TBC1D2B: variants seen among roughly 807,000 people sequenced by gnomAD.
TBC1D2B encodes TBC1 domain family, member 2B.
In TBC1D2B, 64 loss-of-function variants were observed where a neutral mutation model predicts 100.8. That is an observed-to-expected ratio of 0.64 (90% CI 0.52 to 0.78). TBC1D2B has a LOEUF of 0.78. TBC1D2B is among the 30% of genes least tolerant of loss of function. TBC1D2B has a pLI of 0.00. For missense variants in TBC1D2B, 1,052 were observed against 1,218.4 expected (o/e 0.86, Z 2.03); for synonymous variants, 480 against 479.7 (o/e 1.00, Z -0.01).
intron 3 of TBC1D2B, 124 bp downstream of exon 3, chr15:78,044,776 T>C: frequency 1.2e-6 from 1 of 848,584 alleles, no homozygotes; most frequent in East Asian, 2.7e-5. Context: ...TGGGAAAGTA[T>C]GATGTAAACA....
chr15:78,065,477 A>G (rs1035551778), intron 1 of TBC1D2B, among the ~76,000 whole-genome samples: 1 of 152,206 alleles, frequency 6.6e-6, no homozygotes, highest in Non-Finnish European at 1.5e-5. Context: ...GCTCGTCCCT[A>G]CAGGAAATGT....
intron 1 of TBC1D2B, among the ~76,000 whole-genome samples, chr15:78,055,149 T>C (rs1179150561): frequency 2.0e-5 from 3 of 151,946 alleles, no homozygotes; most frequent in South Asian, 4.2e-4. Context: ...AACAAATATG[T>C]GGTTGCCAGG....
chr15:78,066,673 C>T (rs2073662793), intron 1 of TBC1D2B, among the ~76,000 whole-genome samples: 1 of 152,228 alleles, frequency 6.6e-6, no homozygotes, highest in African/African-American at 2.4e-5. Flanking sequence ...CATGTTACCT[C>T]TACAACAGTA....
At chr15:78,068,383 C>CCACACACACACA (rs35403620) in intron 1 of TBC1D2B, among the ~76,000 whole-genome samples, 4,404 of 143,028 alleles carry the variant, frequency 0.031, 101 homozygotes, top group African/African-American at 0.056. Flanking sequence ...CACACCACAC[C>CCACACACACACA]CACACACACA....
At chr15:78,001,927 G>A in intron 11 of TBC1D2B, 187 bp from the exon 12 acceptor site, 1 of 532,354 alleles carries the variant, frequency 1.9e-6, no homozygotes, top group South Asian at 3.0e-5. Context: ...CTTTATTACA[G>A]GAAAATAAAC....
intron 12 of TBC1D2B, among the ~76,000 whole-genome samples, chr15:78,000,201 C>G (rs1256499531): frequency 6.6e-6 from 1 of 152,222 alleles, no homozygotes; most frequent in East Asian, 1.9e-4. Flanking sequence ...CAGGGGAGAC[C>G]GTACCGCGAG....
At chr15:78,059,619 A>G (rs2073501686) in intron 1 of TBC1D2B, among the ~76,000 whole-genome samples, 1 of 152,060 alleles carries the variant, frequency 6.6e-6, no homozygotes, top group South Asian at 2.1e-4. Flanking sequence ...GCAGTCCTTG[A>G]CAGCTGGCTG....
chr15:78,000,887 T>C (rs118159626), intron 12 of TBC1D2B, among the ~76,000 whole-genome samples: 2,197 of 152,232 alleles, frequency 0.014, 30 homozygotes, highest in Non-Finnish European at 0.021. Flanking sequence ...TGGGACCACC[T>C]ACCTCCAGGC....
intron 1 of TBC1D2B, among the ~76,000 whole-genome samples, chr15:78,059,009 C>A (rs933419481): frequency 6.6e-6 from 1 of 152,212 alleles, no homozygotes; most frequent in African/African-American, 2.4e-5. Context: ...AGCAGGTTTC[C>A]CTGACCTGGG....
At chr15:77,998,606 A>C in intron 12 of TBC1D2B, 2 of 447,252 alleles carry the variant, frequency 4.5e-6, no homozygotes, top group Non-Finnish European at 8.0e-6. Context: ...GACTGAAGTC[A>C]CCCCCCTTTT....
rs369371276 is a variant in TBC1D2B, at chr15:77,999,571, A to G, written c.2697-1216T>C. Among the ~76,000 whole-genome samples, 69 of 152,270 alleles carry G rather than the reference A, an allele frequency of 4.5e-4. No individual in the cohort carries two copies. In the East Asian group the frequency reaches 0.011, roughly 24 times the overall value. On this transcript the variant is annotated intron_variant, in intron 12 of 12. Transcript: ENST00000300584. ...CGCCTCCTGCCTGGCTCTGCAGACCAGGCTGCCAGCCCCAGCAGGCGGGAG... is the reference window on the plus strand; with the variant it reads ...CGCCTCCTGCCTGGCTCTGCAGACCGGGCTGCCAGCCCCAGCAGGCGGGAG...
chr15:78,042,739 A>G (rs2141764472), intron 3 of TBC1D2B, among the ~76,000 whole-genome samples: 1 of 152,322 alleles, frequency 6.6e-6, no homozygotes, highest in South Asian at 2.1e-4. Flanking sequence ...GAATGGCCGG[A>G]ACACAGAGGC....
chr15:78,060,051 A>T (rs894296), intron 1 of TBC1D2B, among the ~76,000 whole-genome samples: 4 of 152,108 alleles, frequency 2.6e-5, no homozygotes, highest in Non-Finnish European at 4.4e-5. Context: ...ACTAATGTTC[A>T]CATTCTTTGA....
At chr15:78,020,451 C>G (rs997886247) in intron 6 of TBC1D2B, among the ~76,000 whole-genome samples, 11 of 152,218 alleles carry the variant, frequency 7.2e-5, no homozygotes, top group Non-Finnish European at 1.5e-4. Flanking sequence ...CAACACCTAA[C>G]AGTGAAGACC....
Position 78,051,429 on chromosome 15 carries a change from T to C in TBC1D2B, c.514+2605A>G, listed in dbSNP as rs1004557260. Among the ~76,000 whole-genome samples, 4 of 152,170 alleles carry C rather than the reference T, an allele frequency of 2.6e-5. No individual in the cohort carries two copies. In the East Asian group the frequency reaches 7.7e-4, roughly 29 times the overall value. ...TGTACTACAGGATACGTGACTTACTTAGAGTCTGACAACTAGTAAATATCC... is the reference window on the plus strand; with the variant it reads ...TGTACTACAGGATACGTGACTTACTCAGAGTCTGACAACTAGTAAATATCC... On this transcript the variant is annotated intron_variant, in intron 2 of 12. Transcript: ENST00000300584.
intron 3 of TBC1D2B, among the ~76,000 whole-genome samples, chr15:78,032,410 T>A (rs2072838146): frequency 6.7e-6 from 1 of 148,830 alleles, no homozygotes; most frequent in African/African-American, 2.5e-5. Flanking sequence ...TTTATAGCAA[T>A]AAAAAAAATA....
intron 11 of TBC1D2B, 142 bp from the exon 12 acceptor site, chr15:78,001,882 C>CCTCAGGTCAATAG: frequency 1.1e-6 from 1 of 916,580 alleles, no homozygotes; most frequent in African/African-American, 1.7e-5. Flanking sequence ...GACTATTGAC[C>CCTCAGGTCAATAG]TGAGGGGCAA....
At chr15:78,077,204 G>A in intron 1 of TBC1D2B, 89 bp downstream of exon 1, 1 of 1,385,654 alleles carries the variant, frequency 7.2e-7, no homozygotes, top group Non-Finnish European at 9.3e-7. Context: ...GGAGGCCTTG[G>A]AGGAAGGAGG....
At chr15:78,029,804 A>G (rs897304547) in intron 4 of TBC1D2B, among the ~76,000 whole-genome samples, 4 of 152,258 alleles carry the variant, frequency 2.6e-5, no homozygotes, top group African/African-American at 7.2e-5. Context: ...AAACTGAGCC[A>G]TTGGACTAGA....
Sources: allele counts gnomAD v4.1 joint callset (sites outside exome capture counted in the v4.1 genomes callset), GRCh38; gene constraint gnomAD v4.1.1; transcripts MANE v1.5; gene names NCBI Gene and HGNC (gene_info 2026-07-23, HGNC 2026-07-21).